Variants in LNPK observed in about 807,000 individuals in gnomAD.
LNPK encodes the protein lunapark, ER junction formation factor.
In LNPK, 29 loss-of-function variants were observed where a neutral mutation model predicts 55.2. The observed-to-expected ratio is 0.53, with a 90% CI of 0.39 to 0.72. LNPK has a LOEUF of 0.72. Ranked by LOEUF, LNPK falls within the 30% of genes least tolerant of loss-of-function variation. The probability of loss-of-function intolerance (pLI) is 0.00; values close to 1 mark genes in which losing one functional copy is unlikely to be tolerated. For synonymous variants in LNPK, 162 were observed against 168.2 expected, an observed-to-expected ratio of 0.96 and a Z score of 0.29; for missense variants, 467 against 494.8, an observed-to-expected ratio of 0.94 and a Z score of 0.53.
At chr2:175,938,671 T>C (rs148385453) in intron 10 of LNPK, 5 of 197,510 alleles carry the variant, frequency 2.5e-5, no homozygotes, top group African/African-American at 9.3e-5. Flanking sequence ...ATTTGACAAC[T>C]GAACACTTAA....
chr2:175,989,474 G>A (rs142465243), intron 4 of LNPK, among the ~76,000 whole-genome samples: 67 of 151,762 alleles, frequency 4.4e-4, no homozygotes, highest in East Asian at 3.1e-3. Flanking sequence ...GTATCCGAAA[G>A]TAAAAGTCTA....
chr2:175,938,190 T>A (rs1684645444), intron 11 of LNPK, 123 bp downstream of exon 11: 1 of 602,880 alleles, frequency 1.7e-6, no homozygotes, highest in African/African-American at 1.9e-5. Flanking sequence ...AAAATAAGGA[T>A]AATATGCCTA....
chr2:175,991,167 A>G (rs1162791524), intron 4 of LNPK, among the ~76,000 whole-genome samples: 1 of 152,160 alleles, frequency 6.6e-6, no homozygotes, highest in African/African-American at 2.4e-5. Context: ...ATATGGAAAT[A>G]TATGTAAAGT....
intron 8 of LNPK, among the ~76,000 whole-genome samples, chr2:175,956,381 T>G (rs1008338085): frequency 6.6e-6 from 1 of 152,012 alleles, no homozygotes; most frequent in Admixed American, 6.6e-5. Context: ...CCTATTCCTA[T>G]AACTTTGCAA....
intron 5 of LNPK, among the ~76,000 whole-genome samples, chr2:175,977,894 T>G (rs894155454): frequency 6.6e-6 from 1 of 151,530 alleles, no homozygotes; most frequent in Non-Finnish European, 1.5e-5. Flanking sequence ...ATAGGAATAA[T>G]AAAACATAAA....
chr2:175,934,570 A>T (rs1226579835), intron 12 of LNPK, among the ~76,000 whole-genome samples: 1 of 152,174 alleles, frequency 6.6e-6, no homozygotes, highest in Non-Finnish European at 1.5e-5. Flanking sequence ...CTAGCCAAAA[A>T]ATCACTGCAT....
chr2:175,942,817 T>A (rs1456984650), intron 9 of LNPK, among the ~76,000 whole-genome samples: 1 of 146,958 alleles, frequency 6.8e-6, no homozygotes, highest in African/African-American at 2.5e-5. Flanking sequence ...AAAGAAATAA[T>A]AAAGATCAGA....
intron 12 of LNPK, among the ~76,000 whole-genome samples, chr2:175,933,588 A>C (rs2105516778): frequency 6.6e-6 from 1 of 152,244 alleles, no homozygotes; most frequent in African/African-American, 2.4e-5. Flanking sequence ...CAAAGGTATA[A>C]ATTTCACCCC....
intron 12 of LNPK, among the ~76,000 whole-genome samples, chr2:175,933,570 T>G (rs1452103030): frequency 6.6e-6 from 1 of 152,064 alleles, no homozygotes; most frequent in African/African-American, 2.4e-5. Flanking sequence ...TAACTCATAT[T>G]TAAGAAACAA....
At chr2:175,976,705 G>A (rs1458279581) in intron 5 of LNPK, among the ~76,000 whole-genome samples, 1 of 152,200 alleles carries the variant, frequency 6.6e-6, no homozygotes, top group African/African-American at 2.4e-5. Context: ...CCTGCCTTCA[G>A]ACTCAAACTG....
chr2:175,971,260 A>T (rs1263156637), intron 5 of LNPK, among the ~76,000 whole-genome samples: 1 of 152,128 alleles, frequency 6.6e-6, no homozygotes, highest in East Asian at 1.9e-4. Context: ...ACGACTTTTT[A>T]AAAAACCTAG....
intron 8 of LNPK, among the ~76,000 whole-genome samples, chr2:175,948,506 CAA>C (rs1172897923): frequency 2.0e-5 from 3 of 151,990 alleles, no homozygotes; most frequent in African/African-American, 4.8e-5. Flanking sequence ...TGGCTCTTTA[CAA>C]AAAAAGTTTC....
In LNPK at chr2:175,964,597, CA is replaced by C; in HGVS notation, c.358-9del. Reference sequence around the variant, plus strand: ...TTCCATGACTTCTTCAAGCTACGAACAAAAATTTCCATAAATTGTCACACTT... The same window carrying C: ...TTCCATGACTTCTTCAAGCTACGAACAAAATTTCCATAAATTGTCACACTT... On this transcript the variant is annotated splice_polypyrimidine_tract_variant and intron_variant, in intron 6 of 12. Transcript: ENST00000272748. 6.6e-7 allele frequency: 1 copy of C among 1,504,172 alleles called. No individual in the cohort carries two copies. The highest frequency in any genetic ancestry group is 9.2e-7 in the Non-Finnish European group (1 of 1,082,328). 93.2% of individuals were successfully genotyped at this position (1,504,172 alleles called of 1,614,324 possible). A position where few individuals can be genotyped will look rare whatever the true frequency, so the allele number is the denominator to read the frequency against.
intron 4 of LNPK, among the ~76,000 whole-genome samples, chr2:175,988,338 CT>C (rs1048533844): frequency 2.7e-5 from 4 of 147,480 alleles, no homozygotes; most frequent in African/African-American, 1.0e-4. Flanking sequence ...CCCATCTCTA[CT>C]AAAAAAAAAA....
In LNPK at chr2:175,925,813, C is replaced by T. The variant is rs187053376; in HGVS notation, c.*4154G>A. 107 of 152,388 alleles carry T rather than the reference C, an allele frequency of 7.0e-4. 5 individuals are homozygous for T. The highest frequency in any genetic ancestry group is 5.6e-3 in the Admixed American group (86 of 15,274). 9.4% of individuals were successfully genotyped at this position (152,388 alleles called of 1,614,324 possible). A position where few individuals can be genotyped will look rare whatever the true frequency, so the allele number is the denominator to read the frequency against. ...CTGAGTAGCTAGGATTACAGGCATGCACCACCACGCCTGGCTAATTTTGTA... is the reference window on the plus strand; with the variant it reads ...CTGAGTAGCTAGGATTACAGGCATGTACCACCACGCCTGGCTAATTTTGTA... On this transcript the variant is annotated 3_prime_UTR_variant, in exon 13 of 13. Coordinates refer to ENST00000272748, the MANE Select transcript of LNPK (RefSeq NM_030650.3).
chr2:175,966,252 C>T (rs747053715), intron 6 of LNPK, among the ~76,000 whole-genome samples: 1 of 152,236 alleles, frequency 6.6e-6, no homozygotes, highest in African/African-American at 2.4e-5. Context: ...TTAGTAGAGA[C>T]GAGGTTTCGC....
intron 9 of LNPK, among the ~76,000 whole-genome samples, chr2:175,943,830 A>C (rs970610138): frequency 6.6e-6 from 1 of 152,084 alleles, no homozygotes; most frequent in East Asian, 1.9e-4. Context: ...ATCATGCAAA[A>C]CTGTGAAAGA....
At chr2:175,990,248 T>C (rs935256778) in intron 4 of LNPK, among the ~76,000 whole-genome samples, 1 of 152,164 alleles carries the variant, frequency 6.6e-6, no homozygotes, top group African/African-American at 2.4e-5. Context: ...ATGTCCTCCC[T>C]GGGGCATGGC....
rs116524425 is a variant in LNPK, at chr2:175,975,532, T to C, written c.316+4278A>G. Among the ~76,000 whole-genome samples the C allele has an allele frequency of 5.3e-3, 805 of 152,360 alleles. 8 individuals carry two copies. Among genetic ancestry groups the C allele is most frequent in the Non-Finnish European group, 5.3e-3 (361 of 68,036 alleles). ...GATGTTTTGACATAGGCATACAATG[T>C]GAAATAAGCACATCATGAAGAATGC... On this transcript the variant is annotated intron_variant, in intron 5 of 12. Coordinates refer to ENST00000272748, the MANE Select transcript of LNPK (RefSeq NM_030650.3).
Sources: allele counts gnomAD v4.1 joint callset (sites outside exome capture counted in the v4.1 genomes callset), GRCh38; gene constraint gnomAD v4.1.1; transcripts MANE v1.5; gene names NCBI Gene and HGNC (gene_info 2026-07-23, HGNC 2026-07-21).